The following PPP2R3B variants were observed in gnomAD, a reference collection of about 807,000 sequenced individuals.
PPP2R3B encodes serine/threonine-protein phosphatase 2A regulatory subunit B'' subunit beta.
Under a neutral mutation model 72.9 loss-of-function variants are expected in PPP2R3B, and 68 were observed. That is an observed-to-expected ratio of 0.93 (90% CI 0.77 to 1.14). The LOEUF (loss-of-function observed/expected upper bound fraction) is 1.14, where lower values mean the gene tolerates loss of function less well. PPP2R3B is among the 50% of genes most tolerant of loss of function. The pLI, the probability that PPP2R3B is intolerant of heterozygous loss-of-function variation, is 0.00. For missense variants in PPP2R3B, 1,018 were observed against 842.0 expected, an observed-to-expected ratio of 1.21 and a Z score of -2.59; for synonymous variants, 466 against 375.8, an observed-to-expected ratio of 1.24 and a Z score of -2.78.
Position 340,952 on chromosome X carries a change from C to T in PPP2R3B, c.1176-12G>A, listed in dbSNP as rs374974290. The T allele has an allele frequency of 2.6e-5, 42 of 1,607,012 alleles. No homozygotes were observed. The highest frequency in any genetic ancestry group is 5.0e-5 in the Admixed American group (3 of 59,852). On this transcript the variant is annotated splice_polypyrimidine_tract_variant and intron_variant, in intron 9 of 12. Coordinates refer to ENST00000390665, the MANE Select transcript of PPP2R3B (RefSeq NM_013239.5). Reference sequence around the variant, plus strand: ...ACCAGTACTCGATGCTGCGGCACGGCGAGCTCTGTCAGCCCCTGCCCTGGG... The same window carrying T: ...ACCAGTACTCGATGCTGCGGCACGGTGAGCTCTGTCAGCCCCTGCCCTGGG...
chrX:357,974 A>AC (rs964595732), intron 2 of PPP2R3B, among the ~76,000 whole-genome samples: 1 of 151,480 alleles, frequency 6.6e-6, no homozygotes, highest in Non-Finnish European at 1.5e-5. Context: ...CCACGGGGGG[A>AC]CCCCCCTCAT....
At position 334,452 on chromosome X, in the gene PPP2R3B, C is replaced by T. The variant is rs1556074134; in HGVS notation, c.1643G>A (p.Arg548Lys). ...CGGTGAGGGCGCCTCGAAGAAGGGCCTCTGGGCCAGCGGGGAGCGCAGCGC... is the reference window on the plus strand; with the variant it reads ...CGGTGAGGGCGCCTCGAAGAAGGGCTTCTGGGCCAGCGGGGAGCGCAGCGC... Reference protein sequence around the residue: ...LSALRSPLAQRPFFEAPSPLG... With the variant: ...LSALRSPLAQKPFFEAPSPLG... Residue 548 changes from arginine to lysine, a missense_variant, in exon 13 of 13, where the codon AGG becomes AAG. By Grantham distance (26) the Arg-to-Lys change is conservative. Coordinates refer to ENST00000390665, the MANE Select transcript of PPP2R3B (RefSeq NM_013239.5). 6.3e-7 allele frequency: 1 copy of T among 1,596,228 alleles called. No homozygotes were observed. Among genetic ancestry groups the T allele is most frequent in the Admixed American group, 1.7e-5 (1 of 58,886 alleles).
At chrX:340,411 G>A (rs939431319) in intron 10 of PPP2R3B, among the ~76,000 whole-genome samples, 1 of 151,518 alleles carries the variant, frequency 6.6e-6, no homozygotes, top group Non-Finnish European at 1.5e-5. Context: ...AACTCAGTAG[G>A]ACAGCGCCTC....
intron 9 of PPP2R3B, 78 bp downstream of exon 9, chrX:341,229 T>C (rs2071064733): frequency 6.6e-7 from 1 of 1,513,868 alleles, no homozygotes; most frequent in African/African-American, 1.4e-5. Flanking sequence ...CGTGCAGGCA[T>C]CCGCCTGGGG....
At chrX:357,258 C>T (rs1205175365) in intron 2 of PPP2R3B, among the ~76,000 whole-genome samples, 1 of 152,060 alleles carries the variant, frequency 6.6e-6, no homozygotes, top group African/African-American at 2.4e-5. Flanking sequence ...GCCGGTCCTG[C>T]CTATGAGGAT....
intron 12 of PPP2R3B, chrX:335,603 G>A (rs905050625): frequency 4.6e-5 from 7 of 152,196 alleles, no homozygotes; most frequent in Non-Finnish European, 7.3e-5. Flanking sequence ...ACCAAAATCA[G>A]AAGGCCGCGG....
At chrX:380,344 A>C (rs2072095484) in intron 1 of PPP2R3B, among the ~76,000 whole-genome samples, 1 of 152,190 alleles carries the variant, frequency 6.6e-6, no homozygotes. Flanking sequence ...GTATGTAAAG[A>C]GCTCTCGCAA....
At chrX:346,093 G>GAGGAGGA in intron 6 of PPP2R3B, 81 bp downstream of exon 6, 1 of 602,238 alleles carries the variant, frequency 1.7e-6, no homozygotes, top group Non-Finnish European at 2.7e-6. Flanking sequence ...AGGAGGGAGG[G>GAGGAGGA]GGGAGGAGGG....
intron 2 of PPP2R3B, 72 bp downstream of exon 2, chrX:361,333 G>T: frequency 2.6e-6 from 4 of 1,564,366 alleles, no homozygotes; most frequent in Non-Finnish European, 3.5e-6. Context: ...CACCCACCAC[G>T]GCCGCTCCGC....
chrX:357,329 C>T (rs2071457932), intron 2 of PPP2R3B, among the ~76,000 whole-genome samples: 1 of 152,000 alleles, frequency 6.6e-6, no homozygotes, highest in African/African-American at 2.4e-5. Context: ...ATTGGTGAAT[C>T]TTAGGGTGTG....
chrX:367,063 T>G (rs1017910212), intron 1 of PPP2R3B, among the ~76,000 whole-genome samples: 5 of 135,132 alleles, frequency 3.7e-5, no homozygotes, highest in Non-Finnish European at 7.8e-5. Context: ...TTGGACATTT[T>G]TAGCCCCAAA....
chrX:347,332 G>A lies in PPP2R3B; in HGVS notation c.619C>T (p.Leu207Phe). Residue 207 changes from leucine (L) to phenylalanine (F), a missense_variant, in exon 4 of 13, where the codon CTC (leucine) becomes TTC (phenylalanine). Coordinates refer to ENST00000390665, the MANE Select transcript of PPP2R3B (RefSeq NM_013239.5). ...GCCGCGTCGTCGTGGCAGTTCTGGA[G>A]GATTCTGGAAGGACAGGATGACTGG... ...HKFVAMWRKI[L>F]QNCHDDAAKF... The A allele has an allele frequency of 3.1e-6, 5 of 1,613,730 alleles. No individual in the cohort carries two copies. The highest frequency in any genetic ancestry group is 4.2e-6 in the Non-Finnish European group (5 of 1,179,730).
chrX:334,233 G>A lies in PPP2R3B; in HGVS notation c.*134C>T, dbSNP rs1266599466. 4.3e-5 allele frequency: 48 copies of A among 1,110,926 alleles called. No individual in the cohort carries two copies. Among genetic ancestry groups the A allele is most frequent in the Non-Finnish European group, 5.3e-5 (45 of 842,470 alleles). The allele number at this position is 1,110,926 out of a possible 1,614,324, so 68.8% of individuals were successfully genotyped here. ...ACGAACCCACAGCGGCAATCAACAC[G>A]CTTCTGTGAATAAATAAAAGTTTAT... On this transcript the variant is annotated 3_prime_UTR_variant, in exon 13 of 13. Transcript: ENST00000390665.
At chrX:344,853 G>A in intron 7 of PPP2R3B, 4 of 311,082 alleles carry the variant, frequency 1.3e-5, no homozygotes, top group South Asian at 5.4e-5. Flanking sequence ...GGGGAACCAG[G>A]CGTATTATGA....
chrX:361,262 C>T (rs902530753), intron 2 of PPP2R3B, 143 bp downstream of exon 2: 48 of 899,048 alleles, frequency 5.3e-5, no homozygotes, highest in African/African-American at 5.2e-4. Context: ...GGGCCGCTCC[C>T]GCACACGTGT....
At chrX:342,462 G>GGAGACCTCAGCAACGGGAGGCGGGAGT (rs2071105799) in intron 7 of PPP2R3B, among the ~76,000 whole-genome samples, 2 of 78,330 alleles carry the variant, frequency 2.6e-5, no homozygotes, top group African/African-American at 5.4e-5. Flanking sequence ...GAGGCGGGAG[G>GGAGACCTCAGCAACGGGAGGCGGGAGT]GAGACCTCAG....
At chrX:370,243 C>T (rs1373536971) in intron 1 of PPP2R3B, among the ~76,000 whole-genome samples, 1 of 152,196 alleles carries the variant, frequency 6.6e-6, no homozygotes, top group Non-Finnish European at 1.5e-5. Flanking sequence ...GGGGTCAACA[C>T]AGAAACGCAG....
Position 341,338 on chromosome X carries a change from T to C in PPP2R3B, c.1144A>G (p.Ile382Val), listed in dbSNP as rs1330813480. ...ISYADFVWFL[I>V]SEEDKKTPTS... Reference sequence around the variant, plus strand: ...GGTGTTTTTTTGTCTTCCTCAGAGATCAAAAACCAGACAAAGTCGGCATAG... The same window carrying C: ...GGTGTTTTTTTGTCTTCCTCAGAGACCAAAAACCAGACAAAGTCGGCATAG... The change falls in exon 9 of 13, where the codon ATC becomes GTC. Residue 382 changes from isoleucine (I) to valine (V), a missense_variant. Physicochemically the swap from Ile to Val is conservative, Grantham distance 29 (BLOSUM62 3). Transcript: ENST00000390665. 1.9e-6 allele frequency: 3 copies of C among 1,612,294 alleles called. No homozygotes were observed. The highest frequency in any genetic ancestry group is 1.7e-6 in the Non-Finnish European group (2 of 1,179,694).
chrX:363,372 C>G (rs2071589745), intron 1 of PPP2R3B, among the ~76,000 whole-genome samples: 1 of 150,170 alleles, frequency 6.7e-6, no homozygotes, highest in Non-Finnish European at 1.5e-5. Context: ...TCCGAGCCCA[C>G]CATCCCACAG....
Sources: allele counts gnomAD v4.1 joint callset (sites outside exome capture counted in the v4.1 genomes callset), GRCh38; gene constraint gnomAD v4.1.1; transcripts MANE v1.5; gene names NCBI Gene and HGNC (gene_info 2026-07-23, HGNC 2026-07-21).